CNOT3: variants seen among roughly 807,000 people sequenced by gnomAD.
CNOT3 encodes the protein CCR4-associated factor 3.
CNOT3 carries 2 observed loss-of-function variants against 89.4 expected under a neutral mutation model. The ratio of observed to expected loss-of-function variants is 0.02; its 90% CI spans 0.01 to 0.07. CNOT3 has a LOEUF of 0.07. Ranked by LOEUF, CNOT3 falls within the 10% of genes least tolerant of loss-of-function variation. The probability of loss-of-function intolerance (pLI) is 1.00; values close to 1 mark genes in which losing one functional copy is unlikely to be tolerated. For synonymous variants in CNOT3, 486 were observed against 402.0 expected (o/e 1.21, Z -2.50); for missense variants, 664 against 1,010.2 (o/e 0.66, Z 4.65).
At chr19:54,139,456 G>A (rs1207690232) in intron 1 of CNOT3, among the ~76,000 whole-genome samples, 1 of 152,118 alleles carries the variant, frequency 6.6e-6, no homozygotes, top group African/African-American at 2.4e-5. Context: ...TCCTAGACCC[G>A]GGTTCCTGTA....
At chr19:54,138,698 G>A (rs1001098404) in intron 1 of CNOT3, among the ~76,000 whole-genome samples, 1 of 152,254 alleles carries the variant, frequency 6.6e-6, no homozygotes, top group Non-Finnish European at 1.5e-5. Context: ...CTCCCCGTTA[G>A]TTGGAGCCTT....
At position 54,145,040 on chromosome 19, in the gene CNOT3, T is replaced by G. The variant is rs146321093; in HGVS notation, c.484-558T>G. 1.7e-4 allele frequency among the ~76,000 whole-genome samples: 26 copies of G among 152,040 alleles called. No individual in the cohort carries two copies. In the East Asian group the frequency reaches 5.0e-3, roughly 29 times the overall value. On this transcript the variant is annotated intron_variant, in intron 7 of 17. Transcript: ENST00000221232. The surrounding 1 kb of genome is among the most constrained non-coding windows in gnomAD (Gnocchi z 5.9). ...CAGAGCAGAGATTTGGAACCAAGGC[T>G]AAGATGTTAAATCCTAAAGGGGCCT...
chr19:54,144,302 G>C lies in CNOT3; in HGVS notation c.453G>C (p.Val151=). Residue 151 remains valine (V), a synonymous_variant, in exon 7 of 18, where the codon GTG becomes GTC. Transcript: ENST00000221232. This position sits in a 1 kb window ranked among gnomAD's most constrained non-coding sequence, Gnocchi z 4.8. ...AGAGTGAAGTGGAGTCACTGTCAGTGCAGACACGCAAGAAGAAGGGCGACA... is the reference window on the plus strand; with the variant it reads ...AGAGTGAAGTGGAGTCACTGTCAGTCCAGACACGCAAGAAGAAGGGCGACA... ...QFESEVESLS[V]QTRKKKGDKD... is the part of the protein sequence containing the mutation. 1 of 1,614,034 alleles carries C rather than the reference G, an allele frequency of 6.2e-7. No individual in the cohort carries two copies. Among genetic ancestry groups the C allele is most frequent in the South Asian group, 1.1e-5 (1 of 91,086 alleles).
At chr19:54,140,412 A>G (rs1350068352) in intron 1 of CNOT3, among the ~76,000 whole-genome samples, 1 of 151,602 alleles carries the variant, frequency 6.6e-6, no homozygotes, top group Non-Finnish European at 1.5e-5. Context: ...ACCTGCGATC[A>G]CCACCTTCCT....
chr19:54,152,492 G>A lies in CNOT3; in HGVS notation c.1770G>A (p.Glu590=). 6.2e-7 allele frequency: 1 copy of A among 1,614,218 alleles called. No homozygotes were observed. The highest frequency in any genetic ancestry group is 8.5e-7 in the Non-Finnish European group (1 of 1,180,040). ...CCCAGCCGCCCCTGCAGCTGTCAGA[G>A]GTGAACATACCGCTGTCGCTGGGTG... ...ASAQPPLQLS[E]VNIPLSLGVC... is the part of the protein sequence containing the mutation. The change falls in exon 15 of 18, where the codon GAG becomes GAA. Residue 590 remains glutamate, a synonymous_variant. Coordinates refer to ENST00000221232, the MANE Select transcript of CNOT3 (RefSeq NM_014516.4).
At chr19:54,154,233 C>A in intron 17 of CNOT3, 1 of 396,436 alleles carries the variant, frequency 2.5e-6, no homozygotes, top group Admixed American at 3.4e-5. Flanking sequence ...ACCTCCAGGT[C>A]CCAGCACTCA....
chr19:54,153,448 C>T, intron 16 of CNOT3: 1 of 773,876 alleles, frequency 1.3e-6, no homozygotes. Context: ...TTCTAAATTG[C>T]CTCCTCTCTC....
chr19:54,140,586 G>A (rs1376122093), intron 1 of CNOT3, among the ~76,000 whole-genome samples: 2 of 152,122 alleles, frequency 1.3e-5, no homozygotes, highest in South Asian at 2.1e-4. Context: ...TTTTCTTAGC[G>A]GGGAAGGTGT....
intron 16 of CNOT3, 168 bp downstream of exon 16, chr19:54,153,167 TCCCCGC>T (rs1266452353): frequency 1.3e-6 from 1 of 766,452 alleles, no homozygotes; most frequent in Non-Finnish European, 2.4e-6. Flanking sequence ...CCTGTCCCCG[TCCCCGC>T]CTTCCAGCCC....
rs1295605402 is a variant in CNOT3 at position 54,153,004 on chromosome 19, A to G, written c.2037+5A>G. 1 of 1,601,724 alleles carries G rather than the reference A, an allele frequency of 6.2e-7. No homozygotes were observed. The highest frequency in any genetic ancestry group is 8.5e-7 in the Non-Finnish European group (1 of 1,171,124). Reference sequence around the variant, plus strand: ...TTCATCTTCTACTATCTGGAGGTACAGCAGGGCCCCCGGGGCAGCCTCGGG... The same window carrying G: ...TTCATCTTCTACTATCTGGAGGTACGGCAGGGCCCCCGGGGCAGCCTCGGG... On this transcript the variant is annotated splice_donor_5th_base_variant and intron_variant, in intron 16 of 17. Coordinates refer to ENST00000221232, the MANE Select transcript of CNOT3 (RefSeq NM_014516.4).
Position 54,148,276 on chromosome 19 carries a change from T to G in CNOT3, c.1023T>G (p.Asn341Lys), listed in dbSNP as rs1360247821. Residue 341 changes from asparagine to lysine, a missense_variant, in exon 11 of 18, where the codon AAT (asparagine) becomes AAG (lysine). Asn to Lys is a moderately conservative substitution (Grantham distance 94, BLOSUM62 0). Transcript: ENST00000221232. The surrounding 1 kb of genome is among the most constrained non-coding windows in gnomAD (Gnocchi z 6.3). Reference sequence around the variant, plus strand: ...CCTTGAGCACCACTCCTGGCAACAATGGGGTCCCCGCCCCCGCAGCACCCC... The same window carrying G: ...CCTTGAGCACCACTCCTGGCAACAAGGGGGTCCCCGCCCCCGCAGCACCCC... ...ASALSTTPGN[N>K]GVPAPAAPPS... 6.2e-7 allele frequency: 1 copy of G among 1,608,114 alleles called. No individual in the cohort carries two copies.
At chr19:54,147,587 G>A in intron 10 of CNOT3, among the ~76,000 whole-genome samples, 1 of 152,182 alleles carries the variant, frequency 6.6e-6, no homozygotes, top group East Asian at 1.9e-4. Context: ...AGGTGGTTAG[G>A]CTCAGCAGCC....
rs1568664151 is a variant in CNOT3, at chr19:54,149,731, A to G, written c.1578A>G (p.Pro526=). ...KAAGALLNGP[P]QFSTAPEIKA... ...CCGGTGCCCTGCTCAATGGGCCTCC[A>G]CAGTTCAGCACCGCCCCAGAAATCA... Residue 526 remains proline, a synonymous_variant, in exon 13 of 18, where the codon CCA becomes CCG. Coordinates refer to ENST00000221232, the MANE Select transcript of CNOT3 (RefSeq NM_014516.4). 1 of 1,612,076 alleles carries G rather than the reference A, an allele frequency of 6.2e-7. No homozygotes were observed. Among genetic ancestry groups the G allele is most frequent in the East Asian group, 2.2e-5 (1 of 44,762 alleles).
chr19:54,143,254 C>T, intron 3 of CNOT3, 68 bp downstream of exon 3: 1 of 1,442,922 alleles, frequency 6.9e-7, no homozygotes, highest in Non-Finnish European at 9.7e-7. Context: ...GGCTCAGGAC[C>T]TCTGGGTGTT....
Position 54,153,747 on chromosome 19 carries a change from C to A in CNOT3, c.2070C>A (p.Ala690=). Residue 690 remains alanine (A), a synonymous_variant, in exon 17 of 18, where the codon GCC becomes GCA. Transcript: ENST00000221232. ...GTKAQYLAAK[A]LKKQSWRFHT... is the part of the protein sequence containing the mutation. ...AGGCACAGTATCTGGCAGCCAAGGC[C>A]CTAAAGAAGCAGTCATGGCGATTCC... The A allele has an allele frequency of 6.2e-7, 1 of 1,614,072 alleles. No homozygotes were observed.
intron 13 of CNOT3, among the ~76,000 whole-genome samples, chr19:54,151,685 G>C (rs1045120322): frequency 1.3e-5 from 2 of 152,190 alleles, no homozygotes; most frequent in Non-Finnish European, 2.9e-5. Flanking sequence ...AAACGAGGCT[G>C]TGGCTGCGGG....
Position 54,155,552 on chromosome 19 carries a change from T to A in CNOT3, c.*145T>A. The A allele has an allele frequency of 1.1e-6, 1 of 918,534 alleles. No individual in the cohort carries two copies. The highest frequency in any genetic ancestry group is 3.4e-4 in the Middle Eastern group (1 of 2,932). The allele number at this position is 918,534 out of a possible 1,614,324, so 56.9% of individuals were successfully genotyped here. On this transcript the variant is annotated 3_prime_UTR_variant, in exon 18 of 18. Coordinates refer to ENST00000221232, the MANE Select transcript of CNOT3 (RefSeq NM_014516.4). ...GGAAGCAGGGAGGGGGCCGGGAGGTTTTCCTCTCAGCCCCACCCTGGGGGC... is the reference window on the plus strand; with the variant it reads ...GGAAGCAGGGAGGGGGCCGGGAGGTATTCCTCTCAGCCCCACCCTGGGGGC...
intron 10 of CNOT3, 114 bp downstream of exon 10, chr19:54,146,771 C>A: frequency 1.3e-6 from 1 of 753,994 alleles, no homozygotes. Flanking sequence ...ACAGGTGGCT[C>A]AGAAATCAGT....
At position 54,148,673 on chromosome 19, in the gene CNOT3, G is replaced by T; in HGVS notation, c.1336G>T (p.Gly446Trp). 6.2e-7 allele frequency: 1 copy of T among 1,610,972 alleles called. No homozygotes were observed. ...GGCAGAGGTGGCTTTGAGCAGCAGT[G>T]GGGGCAACAATGCCAGCAGCCAGGC... ...SPAEVALSSS[G>W]GNNASSQALG... Residue 446 changes from glycine (G) to tryptophan (W), a missense_variant, in exon 12 of 18, where the codon GGG (glycine) becomes TGG (tryptophan). Gly to Trp is a radical substitution (Grantham distance 184). This residue lies in a region of CNOT3 where 545 missense variants were observed against 566.2 expected (regional missense o/e 0.96). Transcript: ENST00000221232. The surrounding 1 kb of genome is among the most constrained non-coding windows in gnomAD (Gnocchi z 6.3).
Sources: gnomAD v4.1 joint callset for allele counts (sites outside exome capture counted in the v4.1 genomes callset) on GRCh38, gnomAD v4.1.1 for gene constraint, gnomAD v4.1.1 regional missense constraint, Gnocchi (gnomAD v3.1) non-coding constraint, MANE v1.5 for transcripts, NCBI Gene and HGNC (gene_info 2026-07-23, HGNC 2026-07-21) for gene names.